EPHA4: variants seen among roughly 807,000 people sequenced by gnomAD.
EPHA4 encodes the protein ephrin type-A receptor 4.
A neutral mutation model predicts 108.3 loss-of-function variants in EPHA4; 19 were observed. That is an observed-to-expected ratio of 0.18 (90% CI 0.12 to 0.26). The LOEUF (loss-of-function observed/expected upper bound fraction) is 0.26. EPHA4 is among the 10% of genes least tolerant of loss of function. The probability of loss-of-function intolerance (pLI) is 1.00; values close to 1 mark genes in which losing one functional copy is unlikely to be tolerated. For synonymous variants in EPHA4, 449 were observed against 455.5 expected (o/e 0.99, Z 0.18); for missense variants, 917 against 1,254.0 (o/e 0.73, Z 4.06).
chr2:221,525,645 T>TG (rs1391627248), intron 3 of EPHA4, among the ~76,000 whole-genome samples: 1 of 152,144 alleles, frequency 6.6e-6, no homozygotes, highest in East Asian at 1.9e-4. Context: ...AAAATGGGGT[T>TG]GATATTAAGT....
intron 1 of EPHA4, among the ~76,000 whole-genome samples, chr2:221,570,141 T>G (rs1694782855): frequency 2.0e-5 from 3 of 146,710 alleles, no homozygotes; most frequent in Admixed American, 6.8e-5. Flanking sequence ...AAGGAGGGAG[T>G]AGAAAGGGAG....
intron 5 of EPHA4, among the ~76,000 whole-genome samples, chr2:221,470,574 A>G (rs1355830847): frequency 1.4e-5 from 2 of 147,860 alleles, no homozygotes; most frequent in Non-Finnish European, 1.5e-5. Flanking sequence ...CACTTTAGGG[A>G]ACCTCTGCTT....
intron 15 of EPHA4, among the ~76,000 whole-genome samples, chr2:221,427,745 ACT>A (rs1430988539): frequency 6.6e-6 from 1 of 152,088 alleles, no homozygotes; most frequent in Non-Finnish European, 1.5e-5. Flanking sequence ...CAACCAAAAA[ACT>A]CTTTCCTTGT....
At position 221,483,053 on chromosome 2, in the gene EPHA4, C is replaced by G. The variant is rs951371531; in HGVS notation, c.980-363G>C. Among the ~76,000 whole-genome samples the G allele has an allele frequency of 2.0e-5, 3 of 152,148 alleles. No homozygotes were observed. The South Asian group carries it at 6.2e-4, about 32-fold the overall frequency. On this transcript the variant is annotated intron_variant, in intron 4 of 17. Coordinates refer to ENST00000281821, the MANE Select transcript of EPHA4 (RefSeq NM_004438.5). ...AAAAAATGAAAGTGATTCTAGTTCC[C>G]AGGGCCGTTGTGAGACTCTGATAAA...
intron 8 of EPHA4, among the ~76,000 whole-genome samples, chr2:221,454,035 C>G (rs1690867799): frequency 6.6e-6 from 1 of 151,880 alleles, no homozygotes; most frequent in Non-Finnish European, 1.5e-5. Context: ...AAATTAGCTG[C>G]CAGGTGTGGT....
chr2:221,505,486 C>T (rs976322613), intron 3 of EPHA4, among the ~76,000 whole-genome samples: 4 of 151,866 alleles, frequency 2.6e-5, no homozygotes, highest in African/African-American at 4.8e-5. Context: ...CCACTACGCC[C>T]GGCTAATTTT....
upstream of EPHA4, chr2:221,573,231 A>C (rs1395423634): frequency 2.0e-5 from 3 of 152,302 alleles, no homozygotes; most frequent in Non-Finnish European, 4.4e-5. This position sits in a 1 kb window ranked among gnomAD's most constrained non-coding sequence, Gnocchi z 4.5. Context: ...CAGACAAGGC[A>C]GACCGGGACT....
intron 17 of EPHA4, among the ~76,000 whole-genome samples, chr2:221,422,910 C>A (rs1689797122): frequency 6.6e-6 from 1 of 152,178 alleles, no homozygotes; most frequent in African/African-American, 2.4e-5. Flanking sequence ...GCATGTTTAT[C>A]CTGCCAGCAT....
At chr2:221,513,590 A>T (rs762492788) in intron 3 of EPHA4, among the ~76,000 whole-genome samples, 5 of 152,200 alleles carry the variant, frequency 3.3e-5, no homozygotes, top group Non-Finnish European at 5.9e-5. Flanking sequence ...TTAGCAACGT[A>T]TTACGATTCT....
intron 8 of EPHA4, among the ~76,000 whole-genome samples, chr2:221,452,653 A>T (rs3821029): frequency 6.6e-6 from 1 of 152,106 alleles, no homozygotes; most frequent in African/African-American, 2.4e-5. Context: ...TCATTTTCTA[A>T]AAAGTGATCC....
In EPHA4 at chr2:221,482,392, T is replaced by G. The variant is rs1335939106; in HGVS notation, c.1278A>C (p.Pro426=). Reference sequence around the variant, plus strand: ...TCACAGTGACAGAAACTGATTGGTCTGGGTTAGGGTTATATTTGGACACTC... The same window carrying G: ...TCACAGTGACAGAAACTGATTGGTCGGGGTTAGGGTTATATTTGGACACTC... ...VNGVSKYNPN[P]DQSVSVTVTT... The change falls in exon 5 of 18, where the codon CCA becomes CCC. Residue 426 remains proline, a synonymous_variant. Coordinates refer to ENST00000281821, the MANE Select transcript of EPHA4 (RefSeq NM_004438.5). 6.2e-6 allele frequency: 10 copies of G among 1,612,090 alleles called. No homozygotes were observed. Among genetic ancestry groups the G allele is most frequent in the African/African-American group, 1.3e-5 (1 of 74,994 alleles).
intron 3 of EPHA4, among the ~76,000 whole-genome samples, chr2:221,555,137 G>T (rs907805466): frequency 1.3e-5 from 2 of 152,116 alleles, no homozygotes; most frequent in Non-Finnish European, 2.9e-5. Flanking sequence ...CATGGGGCAG[G>T]GGGGCCGGAG....
intron 3 of EPHA4, among the ~76,000 whole-genome samples, chr2:221,545,826 T>C (rs1031084404): frequency 6.6e-6 from 1 of 151,482 alleles, no homozygotes; most frequent in African/African-American, 2.4e-5. Context: ...TGACCTGGAA[T>C]GCACTTGCTT....
chr2:221,421,897 G>A (rs186042553), intron 17 of EPHA4: 1 of 152,070 alleles, frequency 6.6e-6, no homozygotes, highest in East Asian at 1.9e-4. Flanking sequence ...TGTAGTAAAC[G>A]ACCATATTTA....
intron 4 of EPHA4, among the ~76,000 whole-genome samples, chr2:221,499,572 C>G (rs930328920): frequency 1.2e-4 from 18 of 150,316 alleles, no homozygotes; most frequent in African/African-American, 4.4e-4. Context: ...ATTTTAAAGA[C>G]AGGACTTGAT....
At chr2:221,463,909 G>A (rs967300537) in intron 5 of EPHA4, among the ~76,000 whole-genome samples, 1 of 152,148 alleles carries the variant, frequency 6.6e-6, no homozygotes, top group African/African-American at 2.4e-5. Flanking sequence ...AGTTTGGGGG[G>A]AACTTTGGAG....
At chr2:221,520,543 CAGAG>C (rs1196546096) in intron 3 of EPHA4, among the ~76,000 whole-genome samples, 182 of 27,026 alleles carry the variant, frequency 6.7e-3, no homozygotes, top group African/African-American at 0.036. Flanking sequence ...CACACACACA[CAGAG>C]AGAGAGAGAG....
At position 221,540,932 on chromosome 2, in the gene EPHA4, CTTTTTTTTTTT is replaced by C. The variant is rs762353327; in HGVS notation, c.823+22788_823+22798del. On this transcript the variant is annotated intron_variant, in intron 3 of 17. Coordinates refer to ENST00000281821, the MANE Select transcript of EPHA4 (RefSeq NM_004438.5). ...TGTCCAAAATGTTGTGGAAAACTGT[CTTTTTTTTTTT>C]TTTTTTTTTGAGGGTATGGCGGGGA... Among the ~76,000 whole-genome samples, 6 of 120,628 alleles carry C rather than the reference CTTTTTTTTTTT, an allele frequency of 5.0e-5. No individual in the cohort carries two copies. In the East Asian group the frequency reaches 1.5e-3, roughly 30 times the overall value. The allele number at this position is 120,628 out of a possible 152,430, so 79.1% of individuals were successfully genotyped here.
chr2:221,421,616 G>A (rs1189860333), intron 17 of EPHA4, among the ~76,000 whole-genome samples: 1 of 152,180 alleles, frequency 6.6e-6, no homozygotes, highest in Non-Finnish European at 1.5e-5. Context: ...ACTCCTCATG[G>A]CTCCTCATTG....
Sources: allele counts gnomAD v4.1 joint callset (sites outside exome capture counted in the v4.1 genomes callset), GRCh38; gene constraint gnomAD v4.1.1; non-coding constraint Gnocchi (gnomAD v3.1); transcripts MANE v1.5; gene names NCBI Gene and HGNC (gene_info 2026-07-23, HGNC 2026-07-21).